Variants in CAP2 observed in about 807,000 individuals in gnomAD.
CAP2 encodes cyclase associated actin cytoskeleton regulatory protein 2.
In CAP2, 24 loss-of-function variants were observed where a neutral mutation model predicts 57.7. That is an observed-to-expected ratio of 0.42 (90% CI 0.30 to 0.58). The LOEUF (loss-of-function observed/expected upper bound fraction) is 0.58. Among genes scored for constraint, CAP2 ranks in the 20% least tolerant of loss-of-function variants. The probability of loss-of-function intolerance (pLI) is 0.22; values close to 1 mark genes in which losing one functional copy is unlikely to be tolerated. For missense variants in CAP2, 501 were observed against 590.3 expected (o/e 0.85, Z 1.57); for synonymous variants, 194 against 207.2 (o/e 0.94, Z 0.55).
At chr6:17,456,329 G>GT (rs1760570640) in intron 3 of CAP2, among the ~76,000 whole-genome samples, 1 of 152,200 alleles carries the variant, frequency 6.6e-6, no homozygotes, top group Non-Finnish European at 1.5e-5. Flanking sequence ...CAGAAACGGG[G>GT]TTGGTGCTTA....
chr6:17,418,711 T>C (rs1759353137), intron 1 of CAP2, among the ~76,000 whole-genome samples: 1 of 152,120 alleles, frequency 6.6e-6, no homozygotes, highest in Non-Finnish European at 1.5e-5. Context: ...GTGGTAACAT[T>C]TGGCAAGTTG....
At chr6:17,450,817 G>C (rs1760381514) in intron 3 of CAP2, among the ~76,000 whole-genome samples, 1 of 151,868 alleles carries the variant, frequency 6.6e-6, no homozygotes. Context: ...AAAATGTAAG[G>C]GCATTAAAAA....
chr6:17,475,188 C>T (rs894756382), intron 4 of CAP2, among the ~76,000 whole-genome samples: 6 of 144,400 alleles, frequency 4.2e-5, no homozygotes, highest in Admixed American at 4.0e-4. Context: ...GAGCAAGACT[C>T]CATCTCAAAA....
chr6:17,535,627 G>A (rs866499161), intron 7 of CAP2, among the ~76,000 whole-genome samples: 1 of 151,214 alleles, frequency 6.6e-6, no homozygotes, highest in East Asian at 2.0e-4. Context: ...CCTGAAGAAG[G>A]CTTTAGAATC....
At chr6:17,543,484 G>A (rs1328599973) in intron 11 of CAP2, among the ~76,000 whole-genome samples, 1 of 152,146 alleles carries the variant, frequency 6.6e-6, no homozygotes, top group Middle Eastern at 3.2e-3. Context: ...AGCTGGGCAT[G>A]GTGGCAGGCG....
chr6:17,538,201 G>T (rs565388164), intron 7 of CAP2, among the ~76,000 whole-genome samples: 1 of 151,680 alleles, frequency 6.6e-6, no homozygotes, highest in South Asian at 2.1e-4. Flanking sequence ...ATTAAAACTG[G>T]TACTTTGGGA....
In CAP2 at chr6:17,551,192, T is replaced by C. The variant is rs549977264; in HGVS notation, c.1210-272T>C. On this transcript the variant is annotated intron_variant, in intron 11 of 12. Transcript: ENST00000229922. ...GCTTTTTCTGAACATCTAGCTGCTG[T>C]TTCCAAATTAATCTCTTAATTTTGT... Among the ~76,000 whole-genome samples the C allele has an allele frequency of 1.1e-3, 161 of 152,338 alleles. 1 individual carries two copies. Among genetic ancestry groups the C allele is most frequent in the African/African-American group, 3.7e-3 (154 of 41,586 alleles).
intron 4 of CAP2, among the ~76,000 whole-genome samples, chr6:17,487,458 T>C (rs1048665494): frequency 6.7e-6 from 1 of 149,504 alleles, no homozygotes; most frequent in African/African-American, 2.6e-5. Context: ...GGTGGGTTTG[T>C]TTGTTTGTTT....
At chr6:17,500,713 T>A (rs1761797879) in intron 4 of CAP2, among the ~76,000 whole-genome samples, 1 of 152,146 alleles carries the variant, frequency 6.6e-6, no homozygotes, top group Non-Finnish European at 1.5e-5. Flanking sequence ...TTTAAAACTT[T>A]TCCCTTAATT....
intron 4 of CAP2, among the ~76,000 whole-genome samples, chr6:17,488,789 G>A (rs1046096384): frequency 2.0e-5 from 3 of 152,172 alleles, no homozygotes. Flanking sequence ...GTTTGCACGC[G>A]AAGTTAGCAC....
intron 2 of CAP2, among the ~76,000 whole-genome samples, chr6:17,424,404 A>T (rs1759529810): frequency 6.6e-6 from 1 of 152,210 alleles, no homozygotes; most frequent in African/African-American, 2.4e-5. Flanking sequence ...TCCGTCTCAA[A>T]AAAAAGAGAA....
chr6:17,549,002 A>G (rs930772222), intron 11 of CAP2, among the ~76,000 whole-genome samples: 2 of 152,332 alleles, frequency 1.3e-5, no homozygotes, highest in African/African-American at 4.8e-5. Context: ...AAAAGCACAA[A>G]CCATAAAGAA....
At chr6:17,492,313 A>G (rs1049529258) in intron 4 of CAP2, among the ~76,000 whole-genome samples, 4 of 152,320 alleles carry the variant, frequency 2.6e-5, no homozygotes, top group African/African-American at 7.2e-5. Context: ...TCAAAACACA[A>G]ATAAGTCTAT....
At chr6:17,452,764 A>G (rs561484728) in intron 3 of CAP2, among the ~76,000 whole-genome samples, 1 of 152,064 alleles carries the variant, frequency 6.6e-6, no homozygotes, top group East Asian at 1.9e-4. Flanking sequence ...GACTTCCCAT[A>G]TCACAGTTTC....
chr6:17,431,784 G>A (rs1200288043), intron 3 of CAP2, among the ~76,000 whole-genome samples: 1 of 152,028 alleles, frequency 6.6e-6, no homozygotes, highest in African/African-American at 2.4e-5. Context: ...ATTTCTCAGG[G>A]CCTCTGTCTC....
At chr6:17,520,103 T>TTTTTG (rs1216139804) in intron 7 of CAP2, among the ~76,000 whole-genome samples, 19 of 151,194 alleles carry the variant, frequency 1.3e-4, no homozygotes, top group South Asian at 2.1e-4. Flanking sequence ...TTGTTACTGT[T>TTTTTG]TTTTGTTTTG....
intron 6 of CAP2, among the ~76,000 whole-genome samples, chr6:17,509,841 A>G (rs1762099674): frequency 6.6e-6 from 1 of 152,200 alleles, no homozygotes. Flanking sequence ...TGAATGGATA[A>G]ATAAAACATG....
intron 4 of CAP2, among the ~76,000 whole-genome samples, chr6:17,488,787 G>A (rs1281646662): frequency 6.6e-6 from 1 of 152,168 alleles, no homozygotes; most frequent in Non-Finnish European, 1.5e-5. Flanking sequence ...AAGTTTGCAC[G>A]CGAAGTTAGC....
chr6:17,510,140 T>A (rs995366884), intron 6 of CAP2, among the ~76,000 whole-genome samples: 4 of 152,104 alleles, frequency 2.6e-5, no homozygotes, highest in Non-Finnish European at 4.4e-5. Flanking sequence ...TTAGTTTAAG[T>A]TTTTAGTAAT....
Sources: gnomAD v4.1 joint callset for allele counts (sites outside exome capture counted in the v4.1 genomes callset) on GRCh38, gnomAD v4.1.1 for gene constraint, MANE v1.5 for transcripts, NCBI Gene and HGNC (gene_info 2026-07-23, HGNC 2026-07-21) for gene names.